Variants in HIP1 observed in about 807,000 individuals in gnomAD.
HIP1 encodes the protein huntingtin interacting protein 1.
A neutral mutation model predicts 147.6 loss-of-function variants in HIP1; 65 were observed. The observed-to-expected ratio is 0.44, with a 90% confidence interval of 0.36 to 0.54. HIP1 has a LOEUF of 0.54. Among genes scored for constraint, HIP1 ranks in the 20% least tolerant of loss-of-function variants. HIP1 has a pLI of 0.00. For missense variants in HIP1, 1,061 were observed against 1,299.6 expected (o/e 0.82, Z 2.82); for synonymous variants, 479 against 504.0 (o/e 0.95, Z 0.67).
At chr7:75,715,553 C>CT (rs1162890384) in intron 1 of HIP1, among the ~76,000 whole-genome samples, 1 of 151,564 alleles carries the variant, frequency 6.6e-6, no homozygotes, top group East Asian at 1.9e-4. Context: ...GGGAGGATCA[C>CT]TTGAGGTCAG....
At chr7:75,583,289 G>T (rs1415749903) in intron 5 of HIP1, among the ~76,000 whole-genome samples, 3 of 152,102 alleles carry the variant, frequency 2.0e-5, no homozygotes, top group Admixed American at 2.0e-4. Flanking sequence ...CTGAGAGCCT[G>T]GGTCCTTGTC....
chr7:75,580,566 C>T (rs955421391), intron 7 of HIP1, among the ~76,000 whole-genome samples: 1 of 152,038 alleles, frequency 6.6e-6, no homozygotes, highest in Non-Finnish European at 1.5e-5. Context: ...AGTGAGACCC[C>T]TATCTCTGCA....
chr7:75,735,308 C>T (rs1554523522), intron 1 of HIP1, among the ~76,000 whole-genome samples: 1 of 152,160 alleles, frequency 6.6e-6, no homozygotes, highest in East Asian at 1.9e-4. Flanking sequence ...AGACCGTTTC[C>T]AGCTGTGTGA....
chr7:75,614,332 G>T (rs889591992), intron 1 of HIP1, among the ~76,000 whole-genome samples: 1 of 152,068 alleles, frequency 6.6e-6, no homozygotes, highest in African/African-American at 2.4e-5. Context: ...TGAGCCATGC[G>T]CTGGGCCCTA....
chr7:75,541,853 G>C, intron 29 of HIP1, 66 bp downstream of exon 29: 2 of 1,184,108 alleles, frequency 1.7e-6, no homozygotes, highest in East Asian at 4.7e-5. Flanking sequence ...TTTCTCCATG[G>C]GAATAATATT....
chr7:75,604,857 C>G (rs193162774), intron 1 of HIP1, among the ~76,000 whole-genome samples: 1 of 152,104 alleles, frequency 6.6e-6, no homozygotes, highest in Non-Finnish European at 1.5e-5. Flanking sequence ...CACACACACA[C>G]GCAAAAATCT....
chr7:75,686,449 A>G (rs1047977575), intron 1 of HIP1, among the ~76,000 whole-genome samples: 5 of 152,318 alleles, frequency 3.3e-5, no homozygotes, highest in African/African-American at 9.6e-5. Flanking sequence ...CTCCCTGTGC[A>G]GAACCAGTTG....
chr7:75,717,832 A>G (rs557842536), intron 1 of HIP1, among the ~76,000 whole-genome samples: 11 of 152,188 alleles, frequency 7.2e-5, no homozygotes, highest in Non-Finnish European at 1.0e-4. Context: ...GTAGCCAGGC[A>G]TGATGGCAGG....
chr7:75,717,329 G>T (rs1554520710), intron 1 of HIP1, among the ~76,000 whole-genome samples: 1 of 152,064 alleles, frequency 6.6e-6, no homozygotes, highest in African/African-American at 2.4e-5. Flanking sequence ...GAAAGGAAAA[G>T]GATTCCAAGT....
chr7:75,577,460 A>G (rs186384011), intron 7 of HIP1, among the ~76,000 whole-genome samples: 2 of 152,254 alleles, frequency 1.3e-5, no homozygotes, highest in Admixed American at 6.5e-5. Flanking sequence ...AATTACTTAG[A>G]GTCTTCTGGA....
chr7:75,560,342 A>G (rs587745175), intron 13 of HIP1, among the ~76,000 whole-genome samples: 1 of 152,012 alleles, frequency 6.6e-6, no homozygotes, highest in African/African-American at 2.4e-5. Context: ...TCAACCTCCT[A>G]GGCTCAAGAG....
At chr7:75,595,809 G>C (rs1796721598) in intron 2 of HIP1, among the ~76,000 whole-genome samples, 1 of 152,132 alleles carries the variant, frequency 6.6e-6, no homozygotes, top group South Asian at 2.1e-4. Flanking sequence ...AGCCCTCCAG[G>C]AGTGAATACC....
chr7:75,692,448 T>G (rs1371002123), intron 1 of HIP1, among the ~76,000 whole-genome samples: 2 of 151,668 alleles, frequency 1.3e-5, no homozygotes, highest in Non-Finnish European at 2.9e-5. Flanking sequence ...TGAGACAGAT[T>G]CTTGTTCTAT....
In HIP1 at chr7:75,537,931, C is replaced by CT; in HGVS notation, c.*240dup. The CT allele has an allele frequency of 1.8e-6, 1 of 556,714 alleles. No homozygotes were observed. Among genetic ancestry groups the CT allele is most frequent in the South Asian group, 2.0e-5 (1 of 48,800 alleles). The allele number at this position is 556,714 out of a possible 1,614,324, so 34.5% of individuals were successfully genotyped here. ...TACCTAGGCTTGCTCATGGGCAGCA[C>CT]TGGCCAGCCTGGATGCTAACTAGGG... On this transcript the variant is annotated 3_prime_UTR_variant, in exon 31 of 31. Coordinates refer to ENST00000336926, the MANE Select transcript of HIP1 (RefSeq NM_005338.7).
At chr7:75,639,348 G>T (rs1452013180) in intron 1 of HIP1, 4 of 294,472 alleles carry the variant, frequency 1.4e-5, no homozygotes, top group Non-Finnish European at 2.0e-5. Flanking sequence ...GGCAGAGACC[G>T]GCGCGCCCGA....
intron 1 of HIP1, among the ~76,000 whole-genome samples, chr7:75,641,441 T>C (rs1409474288): frequency 6.6e-6 from 1 of 151,326 alleles, no homozygotes; most frequent in Non-Finnish European, 1.5e-5. Flanking sequence ...ATTTTATTTG[T>C]TTTTTCTTTT....
rs145999705 is a variant in HIP1, at chr7:75,566,414, C to T, written c.803+1785G>A. 4.5e-3 allele frequency among the ~76,000 whole-genome samples: 686 copies of T among 151,626 alleles called. 10 individuals are homozygous for T. The highest frequency in any genetic ancestry group is 5.2e-3 in the Non-Finnish European group (354 of 68,028). On this transcript the variant is annotated intron_variant, in intron 9 of 30. Coordinates refer to ENST00000336926, the MANE Select transcript of HIP1 (RefSeq NM_005338.7). ...AGGGCTACTCCATACGCAGTGAGCC[C>T]AGAATAGCAGCTGTTACATTTATAC...
rs781820751 is a variant in HIP1, at chr7:75,618,851, CT to C, written c.121-19605del. 4.0e-4 allele frequency among the ~76,000 whole-genome samples: 60 copies of C among 149,252 alleles called. 1 individual carries two copies. The South Asian group carries it at 7.9e-3, about 20-fold the overall frequency. ...CTGATGCCTCTCCCTTGAGCACATC[CT>C]TTTTTTTTTCTTCCAAGTTTTTTTG... is the stretch of plus-strand genomic sequence containing the variant. On this transcript the variant is annotated intron_variant, in intron 1 of 30. Transcript: ENST00000336926.
At chr7:75,703,318 A>G (rs782640555) in intron 1 of HIP1, among the ~76,000 whole-genome samples, 1 of 152,148 alleles carries the variant, frequency 6.6e-6, no homozygotes, top group Non-Finnish European at 1.5e-5. Context: ...ACTGCACTCC[A>G]GCCTGGGCAA....
Sources: allele counts gnomAD v4.1 joint callset (sites outside exome capture counted in the v4.1 genomes callset), GRCh38; gene constraint gnomAD v4.1.1; transcripts MANE v1.5; gene names NCBI Gene and HGNC (gene_info 2026-07-23, HGNC 2026-07-21).